ATRAID: variants seen among roughly 807,000 people sequenced by gnomAD.
ATRAID encodes all-trans retinoic acid-induced differentiation factor.
A neutral mutation model predicts 28.8 loss-of-function variants in ATRAID; 26 were observed. That is an observed-to-expected ratio of 0.90 (90% CI 0.66 to 1.25). The LOEUF is 1.25. Among genes scored for constraint, ATRAID ranks in the 50% most tolerant of loss-of-function variants. ATRAID has a pLI of 0.00. For synonymous variants in ATRAID, 131 were observed against 108.5 expected, an observed-to-expected ratio of 1.21 and a Z score of -1.29; for missense variants, 308 against 285.9, an observed-to-expected ratio of 1.08 and a Z score of -0.56.
At chr2:27,215,595 T>C (rs1674791882) in intron 4 of ATRAID, 37 bp from the exon 5 acceptor site, 1 of 1,614,092 alleles carries the variant, frequency 6.2e-7, no homozygotes, top group Admixed American at 1.7e-5. Flanking sequence ...GCTGTGAGTT[T>C]AGCAACTTTG....
intron 2 of ATRAID, among the ~76,000 whole-genome samples, chr2:27,214,667 C>G (rs975511790): frequency 1.3e-5 from 2 of 152,172 alleles, no homozygotes; most frequent in African/African-American, 4.8e-5. Flanking sequence ...GCCTGACCAA[C>G]ATGGTGAAAC....
intron 5 of ATRAID, chr2:27,216,263 A>G: frequency 4.4e-6 from 2 of 454,106 alleles, no homozygotes. Flanking sequence ...GAATGTCATC[A>G]GTTAAGGCTA....
chr2:27,216,934 G>C lies in ATRAID; in HGVS notation c.676G>C (p.Ala226Pro). 6.2e-7 allele frequency: 1 copy of C among 1,612,716 alleles called. No homozygotes were observed. The highest frequency in any genetic ancestry group is 8.5e-7 in the Non-Finnish European group (1 of 1,178,928). ...ILLWATQRRK[A>P]KTS ...GCTTTGGGCGACCCAGCGCCGAAAA[G>C]CCAAGACTTCATGAACTACATAGGT... The change falls in exon 7 of 7, where the codon GCC (alanine) becomes CCC (proline). Residue 226 changes from alanine to proline, a missense_variant. Physicochemically the swap from Ala to Pro is conservative, Grantham distance 27 (BLOSUM62 -1). Coordinates refer to ENST00000380171, the MANE Select transcript of ATRAID (RefSeq NM_001170795.4).
At chr2:27,216,794 G>A (rs773307733) in intron 6 of ATRAID, 50 bp from the exon 7 acceptor site, 1 of 1,525,668 alleles carries the variant, frequency 6.6e-7, no homozygotes, top group Non-Finnish European at 9.1e-7. Context: ...TTAGGATGTG[G>A]CCCTCCGTGT....
chr2:27,216,142 CA>C (rs1384561863), intron 5 of ATRAID, among the ~76,000 whole-genome samples: 1 of 152,172 alleles, frequency 6.6e-6, no homozygotes, highest in Non-Finnish European at 1.5e-5. Context: ...GGGAGAATTA[CA>C]AAGAACCTTC....
At chr2:27,212,788 G>T in intron 1 of ATRAID, 1 of 671,502 alleles carries the variant, frequency 1.5e-6, no homozygotes, top group Admixed American at 4.1e-5. Context: ...ATCGTGCGGT[G>T]GTAGGGCTGT....
rs145393325 is a variant in ATRAID at position 27,213,621 on chromosome 2, A to G, written c.221+323A>G. 4.0e-3 allele frequency among the ~76,000 whole-genome samples: 608 copies of G among 152,124 alleles called. 5 individuals are homozygous for G. The highest frequency in any genetic ancestry group is 0.014 in the African/African-American group (582 of 41,488). On this transcript the variant is annotated intron_variant, in intron 2 of 6. Coordinates refer to ENST00000380171, the MANE Select transcript of ATRAID (RefSeq NM_001170795.4). The stretch of plus-strand genomic sequence containing the variant: ...TGTATTAAGCTTTTAGAAAACCAAC[A>G]TTTTCCATTATCACTCTCTTGCTTT...
chr2:27,216,249 G>A (rs1047979274), intron 5 of ATRAID: 9 of 426,748 alleles, frequency 2.1e-5, no homozygotes, highest in Non-Finnish European at 3.9e-5. Context: ...AAATCACAAT[G>A]GTGGAATGTC....
chr2:27,216,189 G>A (rs1194361467), intron 5 of ATRAID, among the ~76,000 whole-genome samples: 1 of 152,222 alleles, frequency 6.6e-6, no homozygotes, highest in Non-Finnish European at 1.5e-5. Flanking sequence ...AACTTCTTAA[G>A]GGTAAGGGAG....
intron 3 of ATRAID, 23 bp downstream of exon 3, chr2:27,215,415 C>G: frequency 6.2e-7 from 1 of 1,614,106 alleles, no homozygotes. Context: ...GTACCTCCCA[C>G]CCAAAAGGCT....
chr2:27,212,259 C>G lies in ATRAID; in HGVS notation c.-110C>G. 6.4e-7 allele frequency: 1 copy of G among 1,558,334 alleles called. No homozygotes were observed. Among genetic ancestry groups the G allele is most frequent in the Middle Eastern group, 1.8e-4 (1 of 5,670 alleles). On this transcript the variant is annotated 5_prime_UTR_variant, in exon 1 of 7. Coordinates refer to ENST00000380171, the MANE Select transcript of ATRAID (RefSeq NM_001170795.4). ...GAAAAGCCCCCAAGCAGCCCCAGGG[C>G]GACTGGACCGGGCCGCTTAGGCCAC...
intron 1 of ATRAID, 35 bp downstream of exon 1, chr2:27,212,502 G>A: frequency 6.5e-7 from 1 of 1,540,590 alleles, no homozygotes; most frequent in Non-Finnish European, 8.7e-7. Context: ...GCTGAAGCAG[G>A]GTCGCTGGCC....
intron 6 of ATRAID, 95 bp downstream of exon 6, chr2:27,216,715 T>G: frequency 7.0e-7 from 1 of 1,438,272 alleles, no homozygotes; most frequent in East Asian, 2.3e-5. Flanking sequence ...TGATACAAAT[T>G]TCCTATAGGT....
chr2:27,216,638 C>G lies in ATRAID; in HGVS notation c.585+18C>G, dbSNP rs1416523665. 3.1e-6 allele frequency: 5 copies of G among 1,596,734 alleles called. No individual in the cohort carries two copies. Among genetic ancestry groups the G allele is most frequent in the Non-Finnish European group, 4.3e-6 (5 of 1,164,428 alleles). ...TGCGCCAGGTGAGGAATTAGGCCGT[C>G]TAACTAGGGATACAAGGAATGCATA... On this transcript the variant is annotated intron_variant, in intron 6 of 6. Transcript: ENST00000380171.
intron 2 of ATRAID, chr2:27,213,579 C>G (rs1399063055): frequency 3.4e-6 from 1 of 296,374 alleles, no homozygotes; most frequent in Non-Finnish European, 6.2e-6. Context: ...TTTCCTTCAT[C>G]TACCTAAATA....
intron 5 of ATRAID, 74 bp downstream of exon 5, chr2:27,215,827 CAA>C: frequency 6.4e-7 from 1 of 1,565,460 alleles, no homozygotes; most frequent in Non-Finnish European, 8.7e-7. Flanking sequence ...ATCAGAAAGA[CAA>C]AGTTGCTTAA....
intron 5 of ATRAID, among the ~76,000 whole-genome samples, chr2:27,216,039 A>G (rs907546082): frequency 6.6e-6 from 1 of 152,238 alleles, no homozygotes; most frequent in South Asian, 2.1e-4. Flanking sequence ...TGGGATTATC[A>G]TTAGTTCTTA....
chr2:27,215,680 TACTATC>T lies in ATRAID; in HGVS notation c.417_422del (p.Ile140_Thr141del). 6.2e-7 allele frequency: 1 copy of T among 1,614,244 alleles called. No homozygotes were observed. The highest frequency in any genetic ancestry group is 8.5e-7 in the Non-Finnish European group (1 of 1,180,046). ...GTCCTGGAGGAATTAATGCCTGGAA[TACTATC>T]ACCTCTTATATAGACAACCAAATCT... On this transcript the variant is annotated inframe_deletion, in exon 5 of 7. Transcript: ENST00000380171.
chr2:27,217,145 CT>C lies in ATRAID; in HGVS notation c.*203del, dbSNP rs11306505. 0.65 allele frequency: 332,149 copies of C among 512,694 alleles called. 113,829 individuals are homozygous for C. The highest frequency in any genetic ancestry group is 0.88 in the East Asian group (26,376 of 30,142). The allele number at this position is 512,694 out of a possible 1,614,324, so 31.8% of individuals were successfully genotyped here. A position where few individuals can be genotyped will look rare whatever the true frequency, so the allele number is the denominator to read the frequency against. On this transcript the variant is annotated 3_prime_UTR_variant, in exon 7 of 7. Transcript: ENST00000380171. ...TTGGTGTTGTTGCCTATAATAAACA[CT>C]TTTTTCTTTTTTTTTCCTCTCTTTC...
Sources: gnomAD v4.1 joint callset for allele counts (sites outside exome capture counted in the v4.1 genomes callset) on GRCh38, gnomAD v4.1.1 for gene constraint, MANE v1.5 for transcripts, NCBI Gene and HGNC (gene_info 2026-07-23, HGNC 2026-07-21) for gene names.